GRM8: variants seen among roughly 807,000 people sequenced by gnomAD.
GRM8 encodes glutamate metabotropic receptor 8.
Under a neutral mutation model 87.2 loss-of-function variants are expected in GRM8, and 47 were observed. That is an observed-to-expected ratio of 0.54 (90% CI 0.43 to 0.69). GRM8 has a LOEUF of 0.69. Among genes scored for constraint, GRM8 ranks in the 30% least tolerant of loss-of-function variants. The pLI is 0.00. For missense variants in GRM8, 1,019 were observed against 1,139.2 expected (o/e 0.89, Z 1.52); for synonymous variants, 396 against 404.5 (o/e 0.98, Z 0.25).
At chr7:126,730,861 C>T (rs1248382341) in intron 7 of GRM8, among the ~76,000 whole-genome samples, 3 of 152,088 alleles carry the variant, frequency 2.0e-5, no homozygotes, top group Non-Finnish European at 2.9e-5. Flanking sequence ...TTACTATCTA[C>T]ATTTAGGGAT....
intron 7 of GRM8, among the ~76,000 whole-genome samples, chr7:126,616,476 A>G (rs1457673608): frequency 6.6e-6 from 1 of 152,210 alleles, no homozygotes; most frequent in African/African-American, 2.4e-5. Context: ...CTAGAGAAGC[A>G]AGAGCAAACA....
chr7:126,664,676 G>C (rs144352637), intron 7 of GRM8, among the ~76,000 whole-genome samples: 1 of 151,916 alleles, frequency 6.6e-6, no homozygotes, highest in East Asian at 1.9e-4. Flanking sequence ...AATCCTAGAA[G>C]AAAACTTAGG....
At chr7:127,208,311 C>A (rs893284680) in intron 2 of GRM8, among the ~76,000 whole-genome samples, 1 of 152,188 alleles carries the variant, frequency 6.6e-6, no homozygotes, top group Admixed American at 6.5e-5. Flanking sequence ...ATAGCTCCTC[C>A]TGTAACCTAT....
intron 3 of GRM8, among the ~76,000 whole-genome samples, chr7:127,043,249 G>C (rs186805648): frequency 1.1e-3 from 166 of 152,304 alleles, no homozygotes; most frequent in African/African-American, 3.9e-3. Context: ...ATTTAACCCA[G>C]CAATCCCATT....
intron 6 of GRM8, among the ~76,000 whole-genome samples, chr7:126,826,382 T>C (rs924472184): frequency 4.6e-5 from 7 of 152,208 alleles, no homozygotes; most frequent in African/African-American, 1.4e-4. Flanking sequence ...CCAGCACCTG[T>C]TGTTTCCTGA....
intron 3 of GRM8, among the ~76,000 whole-genome samples, chr7:126,910,992 G>C (rs1473200002): frequency 6.6e-6 from 1 of 152,114 alleles, no homozygotes; most frequent in East Asian, 1.9e-4. Context: ...TATACTGTGA[G>C]AATCCAATTA....
At chr7:126,925,532 G>T (rs541049865) in intron 3 of GRM8, among the ~76,000 whole-genome samples, 167 of 152,058 alleles carry the variant, frequency 1.1e-3, no homozygotes, top group African/African-American at 3.9e-3. Flanking sequence ...AAGACATAAA[G>T]AAAAATTTCT....
chr7:126,878,698 T>C (rs1462649901), intron 6 of GRM8, among the ~76,000 whole-genome samples: 3 of 151,970 alleles, frequency 2.0e-5, no homozygotes, highest in Non-Finnish European at 4.4e-5. Flanking sequence ...TTATTTGTGC[T>C]TTTAGCAGAG....
rs145235783 is a variant in GRM8, at chr7:126,861,454, A to G, written c.1156+41088T>C. On this transcript the variant is annotated intron_variant, in intron 6 of 10. Coordinates refer to ENST00000339582, the MANE Select transcript of GRM8 (RefSeq NM_000845.3). ...GTATAGAATGCAAATTTTCAACATT[A>G]CTAGATATTGCTAAACTGCCCTCTA... Among the ~76,000 whole-genome samples, 1,031 of 152,160 alleles carry G rather than the reference A, an allele frequency of 6.8e-3. 9 individuals are homozygous for G. The highest frequency in any genetic ancestry group is 0.045 in the South Asian group (218 of 4,824).
chr7:126,870,203 A>C (rs1329601793), intron 6 of GRM8: 1 of 152,062 alleles, frequency 6.6e-6, no homozygotes, highest in African/African-American at 2.4e-5. Flanking sequence ...AACTGGAGGG[A>C]ATTAGGGTCT....
intron 6 of GRM8, among the ~76,000 whole-genome samples, chr7:126,847,605 C>T (rs1796824400): frequency 6.6e-6 from 1 of 152,144 alleles, no homozygotes; most frequent in South Asian, 2.1e-4. Flanking sequence ...GGTCTCTCCA[C>T]ATGATTTCTC....
At chr7:126,916,517 C>A (rs1209009749) in intron 3 of GRM8, among the ~76,000 whole-genome samples, 1 of 152,210 alleles carries the variant, frequency 6.6e-6, no homozygotes, top group Non-Finnish European at 1.5e-5. Context: ...GCAGATAGGA[C>A]ATTCTCAACA....
chr7:126,482,611 A>G (rs1806824383), intron 9 of GRM8, among the ~76,000 whole-genome samples: 1 of 152,026 alleles, frequency 6.6e-6, no homozygotes. Flanking sequence ...ACAGACACAA[A>G]GCAGAATGGT....
intron 7 of GRM8, among the ~76,000 whole-genome samples, chr7:126,635,220 C>A (rs1413149666): frequency 2.2e-5 from 3 of 138,216 alleles, no homozygotes; most frequent in Non-Finnish European, 4.7e-5. Flanking sequence ...CTTTCCTTGC[C>A]CATTGATTTG....
intron 6 of GRM8, among the ~76,000 whole-genome samples, chr7:126,823,144 C>G (rs918763072): frequency 1.3e-5 from 2 of 152,188 alleles, no homozygotes; most frequent in African/African-American, 2.4e-5. Context: ...TTAATGCAGT[C>G]TAAGCCTGCA....
intron 3 of GRM8, among the ~76,000 whole-genome samples, chr7:126,923,221 G>A (rs185364352): frequency 1.3e-5 from 2 of 152,196 alleles, no homozygotes; most frequent in Non-Finnish European, 2.9e-5. Context: ...TGGCATAATA[G>A]GTGCTTGTTT....
At chr7:126,468,965 T>C (rs1276706047) in intron 9 of GRM8, among the ~76,000 whole-genome samples, 1 of 152,094 alleles carries the variant, frequency 6.6e-6, no homozygotes, top group South Asian at 2.1e-4. Flanking sequence ...ACAAAGAAAA[T>C]AGAAAAGACA....
At chr7:126,733,800 T>C (rs1813885036) in intron 7 of GRM8, among the ~76,000 whole-genome samples, 1 of 152,030 alleles carries the variant, frequency 6.6e-6, no homozygotes, top group Non-Finnish European at 1.5e-5. Flanking sequence ...CAGCAGGCAT[T>C]ATTTAAAAAT....
chr7:126,880,664 T>C (rs1054206694), intron 6 of GRM8, among the ~76,000 whole-genome samples: 1 of 152,240 alleles, frequency 6.6e-6, no homozygotes, highest in African/African-American at 2.4e-5. Context: ...CAAATTCCAA[T>C]AGTAATAATG....
Sources: gnomAD v4.1 joint callset for allele counts (sites outside exome capture counted in the v4.1 genomes callset) on GRCh38, gnomAD v4.1.1 for gene constraint, MANE v1.5 for transcripts, NCBI Gene and HGNC (gene_info 2026-07-23, HGNC 2026-07-21) for gene names.